ARSA: variants seen among roughly 807,000 people sequenced by gnomAD.
The protein encoded by ARSA is cerebroside-sulfatase.
A neutral mutation model predicts 37.8 loss-of-function variants in ARSA; 32 were observed. The ratio of observed to expected loss-of-function variants is 0.85; its 90% confidence interval spans 0.64 to 1.14. The LOEUF (loss-of-function observed/expected upper bound fraction) is 1.14, where lower values mean the gene tolerates loss of function less well. Among genes scored for constraint, ARSA ranks in the 50% most tolerant of loss-of-function variants. The pLI is 0.00. For synonymous variants in ARSA, 303 were observed against 303.4 expected (o/e 1.00, Z 0.01); for missense variants, 685 against 686.3 (o/e 1.00, Z 0.02).
chr22:50,627,521 G>A (rs2082696418), intron 1 of ARSA, 35 bp downstream of exon 1: 2 of 1,569,004 alleles, frequency 1.3e-6, no homozygotes, highest in East Asian at 2.3e-5. Context: ...GGGATGGAGG[G>A]TCGGGGCGGG....
At position 50,628,107 on chromosome 22, in the gene ARSA, G is replaced by C; in HGVS notation, c.-328C>G. The C allele has an allele frequency of 3.2e-6, 1 of 309,184 alleles. No homozygotes were observed. Among genetic ancestry groups the C allele is most frequent in the Admixed American group, 4.4e-5 (1 of 22,506 alleles). 19.2% of individuals were successfully genotyped at this position (309,184 alleles called of 1,614,324 possible). ...GTCGGGCCGGGGGGAAGGCGCTAGAGGGAGCCCAGGAGGAGCCGGTACCGG... is the reference window on the plus strand; with the variant it reads ...GTCGGGCCGGGGGGAAGGCGCTAGACGGAGCCCAGGAGGAGCCGGTACCGG... On this transcript the variant is annotated 5_prime_UTR_variant, in exon 1 of 8. Transcript: ENST00000216124.
In ARSA at chr22:50,625,222, G is replaced by A. The variant is rs1347044181; in HGVS notation, c.1453C>T (p.Pro485Ser). ...GGATGACAGCAGATCTGCAGGGCGG[G>A]GTCCTCGCCCCGGGCCACCTGGCTG... ...GPSQVARGED[P>S]ALQICCHPGC... The change falls in exon 8 of 8, where the codon CCC becomes TCC. Residue 485 changes from proline to serine, a missense_variant. By Grantham distance (74) the Pro-to-Ser change is moderately conservative. Coordinates refer to ENST00000216124, the MANE Select transcript of ARSA (RefSeq NM_000487.6). The A allele has an allele frequency of 5.0e-6, 8 of 1,608,602 alleles. No homozygotes were observed. Among genetic ancestry groups the A allele is most frequent in the Middle Eastern group, 1.7e-4 (1 of 6,048 alleles).
rs763817529 is a variant in ARSA at position 50,624,082 on chromosome 22, G to GT, written c.*1062dup. Among the ~76,000 whole-genome samples the GT allele has an allele frequency of 1.9e-3, 285 of 151,520 alleles. No homozygotes were observed. The highest frequency in any genetic ancestry group is 3.3e-3 in the Non-Finnish European group (227 of 67,886). On this transcript the variant is annotated 3_prime_UTR_variant, in exon 8 of 8. Transcript: ENST00000216124. ...CCGTGTGCAGCCTAACAGATTTTTT[G>GT]TTTTTTGAGACAGAGTTTTTCTCTT...
In ARSA at chr22:50,625,630, C is replaced by T; in HGVS notation, c.1159G>A (p.Gly387Arg). ...TTTCCAGTCCGCACAGCAAAAACCC[C>T]ACGGACCTCGTCTGGGTAGGACGGG... is the stretch of plus-strand genomic sequence containing the variant. Reference protein sequence around the residue: ...FYPSYPDEVRGVFAVRTGKYK... With the variant: ...FYPSYPDEVRRVFAVRTGKYK... The change falls in exon 7 of 8, where the codon GGG becomes AGG. Residue 387 changes from glycine to arginine, a missense_variant. By Grantham distance (125) the Gly-to-Arg change is moderately radical. Transcript: ENST00000216124. 6.2e-7 allele frequency: 1 copy of T among 1,613,804 alleles called. No individual in the cohort carries two copies. The highest frequency in any genetic ancestry group is 1.1e-5 in the South Asian group (1 of 91,088).
chr22:50,627,332 C>G lies in ARSA; in HGVS notation c.299G>C (p.Gly100Ala). The change falls in exon 2 of 8, where the codon GGG becomes GCG. Residue 100 changes from glycine to alanine, a missense_variant. By Grantham distance (60) the Gly-to-Ala change is moderately conservative (BLOSUM62 0). Transcript: ENST00000216124. Reference sequence around the variant, plus strand: ...GGTCACCTCCTCCAGGGGCAGGCCCCCCCGGGAGCTGGGCACCAGGACGCC... The same window carrying G: ...GGTCACCTCCTCCAGGGGCAGGCCCGCCCGGGAGCTGGGCACCAGGACGCC... ...YPGVLVPSSR[G>A]GLPLEEVTVA... The G allele has an allele frequency of 1.3e-6, 2 of 1,591,858 alleles. No homozygotes were observed. The highest frequency in any genetic ancestry group is 1.7e-6 in the Non-Finnish European group (2 of 1,170,492).
chr22:50,625,493 G>C, intron 7 of ARSA, 29 bp from the exon 8 acceptor site: 8 of 1,611,632 alleles, frequency 5.0e-6, no homozygotes, highest in Non-Finnish European at 6.8e-6. Flanking sequence ...CTGTGCACAG[G>C]GCAAGGGCGA....
chr22:50,626,330 C>T (rs756922851), intron 4 of ARSA, 52 bp from the exon 5 acceptor site: 14 of 1,598,194 alleles, frequency 8.8e-6, no homozygotes, highest in Admixed American at 1.7e-5. Flanking sequence ...TCTGAGCCAC[C>T]GAGGGTGACC....
Position 50,627,927 on chromosome 22 carries a change from G to C in ARSA, c.-148C>G, listed in dbSNP as rs1380532547. 3 of 787,708 alleles carry C rather than the reference G, an allele frequency of 3.8e-6. No homozygotes were observed. The highest frequency in any genetic ancestry group is 6.0e-6 in the Non-Finnish European group (3 of 503,622). The allele number at this position is 787,708 out of a possible 1,614,324, so 48.8% of individuals were successfully genotyped here. ...ACGGCCGCCTCCTGAAGCTCCAGAG[G>C]GCCGGGGCCCGACAGTACCGGGAGA... On this transcript the variant is annotated 5_prime_UTR_variant, in exon 1 of 8. Transcript: ENST00000216124.
In ARSA at chr22:50,623,898, C is replaced by CAAAAAAAAAAAAAAAAA. The variant is rs131716; in HGVS notation, c.*1230_*1246dup. 1.4e-5 allele frequency: 2 copies of CAAAAAAAAAAAAAAAAA among 141,864 alleles called. No individual in the cohort carries two copies. Among genetic ancestry groups the CAAAAAAAAAAAAAAAAA allele is most frequent in the African/African-American group, 2.6e-5 (1 of 38,100 alleles). The allele number at this position is 141,864 out of a possible 1,614,324, so 8.8% of individuals were successfully genotyped here. A position where few individuals can be genotyped will look rare whatever the true frequency, so the allele number is the denominator to read the frequency against. On this transcript the variant is annotated 3_prime_UTR_variant, in exon 8 of 8. Transcript: ENST00000216124. ...TGGGCGACAGAGCGAGACTCCGTCT[C>CAAAAAAAAAAAAAAAAA]AAAAAAAAAAAAAAAAAAAAAAAAA... is the stretch of plus-strand genomic sequence containing the variant.
Position 50,623,445 on chromosome 22 carries a change from A to G in ARSA, c.*1700T>C, listed in dbSNP as rs2082617251. The G allele has an allele frequency of 1.3e-5, 2 of 152,168 alleles. No homozygotes were observed. Among genetic ancestry groups the G allele is most frequent in the Admixed American group, 1.3e-4 (2 of 15,270 alleles). The allele number at this position is 152,168 out of a possible 1,614,324, so 9.4% of individuals were successfully genotyped here. Reference sequence around the variant, plus strand: ...ATGCTCAAGCCCAGCCTGATGTTTTATTTGTTTATTTGCAGACAGGGTCTC... The same window carrying G: ...ATGCTCAAGCCCAGCCTGATGTTTTGTTTGTTTATTTGCAGACAGGGTCTC... On this transcript the variant is annotated 3_prime_UTR_variant, in exon 8 of 8. Coordinates refer to ENST00000216124, the MANE Select transcript of ARSA (RefSeq NM_000487.6).
Position 50,627,195 on chromosome 22 carries a change from A to G in ARSA, c.436T>C (p.Phe146Leu), listed in dbSNP as rs747725187. Residue 146 changes from phenylalanine to leucine, a missense_variant, in exon 2 of 8, where the codon TTT (phenylalanine) becomes CTT (leucine). Physicochemically the swap from Phe to Leu is conservative, Grantham distance 22. Transcript: ENST00000216124. ...FLPPHQGFHR[F>L]LGIPYSHDQG... is the part of the protein sequence containing the mutation. ...TCGTGGGAGTACGGGATGCCTAGAAATCGATGGAAGCCCTGATGGGGGGGC... is the reference window on the plus strand; with the variant it reads ...TCGTGGGAGTACGGGATGCCTAGAAGTCGATGGAAGCCCTGATGGGGGGGC... 4 of 1,612,872 alleles carry G rather than the reference A, an allele frequency of 2.5e-6. No homozygotes were observed.
chr22:50,627,102 G>C, intron 2 of ARSA, 50 bp from the exon 3 acceptor site: 2 of 1,595,496 alleles, frequency 1.3e-6, no homozygotes, highest in South Asian at 2.2e-5. Context: ...GGGGCTGCGG[G>C]AGCATCAAGG....
At position 50,624,657 on chromosome 22, in the gene ARSA, G is replaced by A. The variant is rs1434960387; in HGVS notation, c.*488C>T. Among the ~76,000 whole-genome samples the A allele has an allele frequency of 6.6e-6, 1 of 152,192 alleles. No individual in the cohort carries two copies. Among genetic ancestry groups the A allele is most frequent in the East Asian group, 1.9e-4 (1 of 5,194 alleles). On this transcript the variant is annotated 3_prime_UTR_variant, in exon 8 of 8. Transcript: ENST00000216124. ...GTCCAGTGCCTGTGTCTCTAAGAAT[G>A]CTTCTTCTGGGGGAATATCCCGTCT...
In ARSA at chr22:50,624,954, G is replaced by C. The variant is rs537362532; in HGVS notation, c.*191C>G. 3.2e-3 allele frequency: 2,234 copies of C among 691,472 alleles called. 5 individuals are homozygous for C. The highest frequency in any genetic ancestry group is 3.7e-3 in the South Asian group (174 of 46,884). 42.8% of individuals were successfully genotyped at this position (691,472 alleles called of 1,614,324 possible). ...AAGTCCTGAACCTCTCTGCACCTCA[G>C]TTTCCTCATTCGTACCACAGGGGAC... On this transcript the variant is annotated 3_prime_UTR_variant, in exon 8 of 8. Coordinates refer to ENST00000216124, the MANE Select transcript of ARSA (RefSeq NM_000487.6).
At position 50,627,045 on chromosome 22, in the gene ARSA, C is replaced by A. The variant is rs1226689808; in HGVS notation, c.473G>T (p.Cys158Phe). The A allele has an allele frequency of 6.2e-7, 1 of 1,606,270 alleles. No homozygotes were observed. Among genetic ancestry groups the A allele is most frequent in the African/African-American group, 1.3e-5 (1 of 74,908 alleles). ...GIPYSHDQGP[C>F]QNLTCFPPAT... ...CGGCGGGAAGCAGGTCAGGTTCTGG[C>A]AGGGGCCCTGAGGCGGGCAGCTGCC... is the stretch of plus-strand genomic sequence containing the variant. Residue 158 changes from cysteine (C) to phenylalanine (F), a missense_variant, in exon 3 of 8, where the codon TGC becomes TTC. By Grantham distance (205) the Cys-to-Phe change is radical (BLOSUM62 -2). Transcript: ENST00000216124.
Position 50,626,266 on chromosome 22 carries a change from C to T in ARSA, c.867G>A (p.Met289Ile), listed in dbSNP as rs761919002. 3 of 1,613,044 alleles carry T rather than the reference C, an allele frequency of 1.9e-6. No homozygotes were observed. Among genetic ancestry groups the T allele is most frequent in the Admixed American group, 3.3e-5 (2 of 59,990 alleles). ...IFTADNGPET[M>I]RMSRGGCSGL... Reference sequence around the variant, plus strand: ...CGGAGCAGCCGCCTCGGGACATACGCATGGTCTCAGGTCTGGGACACAGGA... The same window carrying T: ...CGGAGCAGCCGCCTCGGGACATACGTATGGTCTCAGGTCTGGGACACAGGA... The change falls in exon 5 of 8, where the codon ATG becomes ATA. Residue 289 changes from methionine to isoleucine, a missense_variant. Coordinates refer to ENST00000216124, the MANE Select transcript of ARSA (RefSeq NM_000487.6).
chr22:50,624,836 C>T lies in ARSA; in HGVS notation c.*309G>A, dbSNP rs910235874. On this transcript the variant is annotated 3_prime_UTR_variant, in exon 8 of 8. Coordinates refer to ENST00000216124, the MANE Select transcript of ARSA (RefSeq NM_000487.6). ...ACGTGTGCCTGTGTGCACTGACCCA[C>T]GCAGATCACCAAGGCGCCAGGGCAG... is the stretch of plus-strand genomic sequence containing the variant. Among the ~76,000 whole-genome samples the T allele has an allele frequency of 3.3e-5, 5 of 151,786 alleles. No individual in the cohort carries two copies. The highest frequency in any genetic ancestry group is 9.7e-5 in the African/African-American group (4 of 41,288).
rs6151422 is a variant in ARSA at position 50,625,971 on chromosome 22, A to C, written c.1072T>G (p.Phe358Val). Residue 358 changes from phenylalanine (F) to valine (V), a missense_variant, in exon 6 of 8, where the codon TTT (phenylalanine) becomes GTT (valine). Phe to Val is a conservative substitution (Grantham distance 50). Coordinates refer to ENST00000216124, the MANE Select transcript of ARSA (RefSeq NM_000487.6). ...APLPNVTLDG[F>V]DLSPLLLGTG... ...CCCAGCAGCAGGGGGCTGAGGTCAA[A>C]GCCATCCAAGGTGACATTGGGCAGT... is the stretch of plus-strand genomic sequence containing the variant. The C allele has an allele frequency of 5.1e-6, 8 of 1,574,320 alleles. No homozygotes were observed. In the Admixed American group the frequency reaches 1.5e-4, roughly 30 times the overall value.
rs1246506553 is a variant in ARSA, at chr22:50,627,381, G to C, written c.250C>G (p.Pro84Ala). Reference protein sequence around the residue: ...SRAALLTGRLPVRMGMYPGVL... With the variant: ...SRAALLTGRLAVRMGMYPGVL... Reference sequence around the variant, plus strand: ...CCAGGGTACATGCCCATCCGAACCGGGAGCCGGCCGGTCAGGAGGGCGGCC... The same window carrying C: ...CCAGGGTACATGCCCATCCGAACCGCGAGCCGGCCGGTCAGGAGGGCGGCC... Residue 84 changes from proline to alanine, a missense_variant, in exon 2 of 8, where the codon CCG becomes GCG. Pro to Ala is a conservative substitution (Grantham distance 27). Transcript: ENST00000216124. 2.5e-6 allele frequency: 4 copies of C among 1,606,764 alleles called. No individual in the cohort carries two copies. Among genetic ancestry groups the C allele is most frequent in the Non-Finnish European group, 3.4e-6 (4 of 1,178,438 alleles).
Sources: gnomAD v4.1 joint callset for allele counts (sites outside exome capture counted in the v4.1 genomes callset) on GRCh38, gnomAD v4.1.1 for gene constraint, MANE v1.5 for transcripts, NCBI Gene and HGNC (gene_info 2026-07-23, HGNC 2026-07-21) for gene names.